TM2D3: variants seen among roughly 807,000 people sequenced by gnomAD.
TM2D3 encodes TM2 domain-containing protein 3.
TM2D3 carries 33 observed loss-of-function variants against 27.3 expected under a neutral mutation model. The ratio of observed to expected loss-of-function variants is 1.21; its 90% confidence interval spans 0.92 to 1.61. The LOEUF (loss-of-function observed/expected upper bound fraction) is 1.61, where lower values mean the gene tolerates loss of function less well. TM2D3 is among the 40% of genes most tolerant of loss of function. The pLI is 0.00. For missense variants in TM2D3, 364 were observed against 320.8 expected (o/e 1.13, Z -1.03); for synonymous variants, 138 against 122.2 (o/e 1.13, Z -0.85).
rs373973464 is a variant in TM2D3 at position 101,652,295 on chromosome 15, G to A, written c.67C>T (p.Gln23Ter). ...ALCRVLLFLS[Q>*]FCILSGGEQS... is the part of the protein sequence containing the mutation. ...CCACCGCCCGACAGAATGCAGAACT[G>A]CGAGAGGAAGAGCAGCACGCGACAC... The change falls in exon 1 of 6, where the codon CAG (glutamine) becomes TAG (stop). Residue 23 changes from glutamine (Q) to a stop codon, truncating the protein, a stop_gained. Transcript: ENST00000333202. LOFTEE classifies it high-confidence loss of function. 7.5e-6 allele frequency: 12 copies of A among 1,604,846 alleles called. No homozygotes were observed. The highest frequency in any genetic ancestry group is 3.4e-5 in the Admixed American group (2 of 59,644).
At chr15:101,643,599 TAAAAAA>T (rs1158728522) in intron 5 of TM2D3, among the ~76,000 whole-genome samples, 5 of 47,330 alleles carry the variant, frequency 1.1e-4, no homozygotes, top group South Asian at 9.3e-4. Flanking sequence ...GAGACTCCGT[TAAAAAA>T]AAAAAAAAAA....
downstream of TM2D3, among the ~76,000 whole-genome samples, chr15:101,641,134 G>A (rs953574716): frequency 3.9e-5 from 6 of 152,278 alleles, no homozygotes; most frequent in African/African-American, 1.4e-4. Flanking sequence ...AGAAAAGATC[G>A]TCTTCTAAAG....
downstream of TM2D3, chr15:101,641,809 T>C (rs1896675538): frequency 5.6e-6 from 4 of 712,776 alleles, no homozygotes; most frequent in South Asian, 1.9e-4. Flanking sequence ...GTAATGATTA[T>C]TCAAGATTAT....
At position 101,646,219 on chromosome 15, in the gene TM2D3, T is replaced by C. The variant is rs112274782; in HGVS notation, c.502+506A>G. On this transcript the variant is annotated intron_variant, in intron 4 of 5. Transcript: ENST00000333202. ...TCCTAGAGCCACAATGTTTAGGAAA[T>C]AAGCAAGTCCCAGAAGAGCACACAG... 2.8e-3 allele frequency: 429 copies of C among 154,792 alleles called. 2 individuals are homozygous for C. Among genetic ancestry groups the C allele is most frequent in the African/African-American group, 9.7e-3 (404 of 41,532 alleles). The allele number at this position is 154,792 out of a possible 1,614,324, so 9.6% of individuals were successfully genotyped here.
intron 5 of TM2D3, among the ~76,000 whole-genome samples, chr15:101,643,435 T>C (rs1449184229): frequency 6.6e-6 from 1 of 151,882 alleles, no homozygotes; most frequent in Non-Finnish European, 1.5e-5. Context: ...ACCCTGTCTC[T>C]ATTAAAAATA....
At chr15:101,652,118 G>A (rs1471941332) in intron 1 of TM2D3, 153 bp downstream of exon 1, 4 of 703,550 alleles carry the variant, frequency 5.7e-6, no homozygotes. Context: ...CGGCCAGGGC[G>A]CCAGACTCCA....
Position 101,646,831 on chromosome 15 carries a change from A to T in TM2D3, c.396T>A (p.Pro132=), listed in dbSNP as rs199699617. The stretch of plus-strand genomic sequence containing the variant: ...AGTTGGTACACTCGTAATCTGTTTC[A>T]GGAAGCTGCCAGCAAAATCTGCAAG... ...NMTCRFCWQL[P]ETDYECTNST... The change falls in exon 4 of 6, where the codon CCT becomes CCA. Residue 132 remains proline (P), a synonymous_variant. Transcript: ENST00000333202. 6.2e-7 allele frequency: 1 copy of T among 1,614,236 alleles called. No individual in the cohort carries two copies. The highest frequency in any genetic ancestry group is 2.2e-5 in the East Asian group (1 of 44,890).
intron 1 of TM2D3, 79 bp from the exon 2 acceptor site, chr15:101,651,852 G>A (rs575990137): frequency 1.4e-6 from 2 of 1,461,076 alleles, no homozygotes; most frequent in South Asian, 1.1e-5. Flanking sequence ...TTAACACGGC[G>A]GGTCTACACC....
rs921962915 is a variant in TM2D3 at position 101,649,986 on chromosome 15, G to A, written c.327+18C>T. The A allele has an allele frequency of 6.2e-7, 1 of 1,605,244 alleles. No homozygotes were observed. The highest frequency in any genetic ancestry group is 1.7e-5 in the Admixed American group (1 of 57,610). On this transcript the variant is annotated intron_variant, in intron 3 of 5. Coordinates refer to ENST00000333202, the MANE Select transcript of TM2D3 (RefSeq NM_078474.3). Reference sequence around the variant, plus strand: ...TTTACAATGAATTTATTTAGAATAAGTAAGCTGCAGTACTTACAACACAGG... The same window carrying A: ...TTTACAATGAATTTATTTAGAATAAATAAGCTGCAGTACTTACAACACAGG...
rs2441222 is a variant in TM2D3, at chr15:101,633,914, A to G, written c.501-186T>C. 1,140 of 453,450 alleles carry G rather than the reference A, an allele frequency of 2.5e-3. 9 individuals are homozygous for G. The highest frequency in any genetic ancestry group is 0.02 in the African/African-American group (1,031 of 51,158). The allele number at this position is 453,450 out of a possible 1,614,324, so 28.1% of individuals were successfully genotyped here. A position where few individuals can be genotyped will look rare whatever the true frequency, so the allele number is the denominator to read the frequency against. On this transcript the variant is annotated intron_variant, in intron 4 of 4. Coordinates refer to the TM2D3 transcript ENST00000428002. ...ACTCAGACATTGGGATTACCTGACA[A>G]GAATTTTAAAGCAACTATCATGAAA...
rs1896689847 is a variant in TM2D3 at position 101,642,370 on chromosome 15, C to T, written c.*109G>A. 2 of 1,388,028 alleles carry T rather than the reference C, an allele frequency of 1.4e-6. No individual in the cohort carries two copies. The highest frequency in any genetic ancestry group is 1.5e-5 in the African/African-American group (1 of 68,160). 86.0% of individuals were successfully genotyped at this position (1,388,028 alleles called of 1,614,324 possible). A position where few individuals can be genotyped will look rare whatever the true frequency, so the allele number is the denominator to read the frequency against. On this transcript the variant is annotated 3_prime_UTR_variant, in exon 6 of 6. Coordinates refer to ENST00000333202, the MANE Select transcript of TM2D3 (RefSeq NM_078474.3). ...TACCTTTATCAAGGCAAACAAAGTA[C>T]AGATGCTGTACATTAAAAACATAGA... is the stretch of plus-strand genomic sequence containing the variant.
intron 3 of TM2D3, among the ~76,000 whole-genome samples, chr15:101,649,026 CAG>C (rs933902261): frequency 7.2e-5 from 11 of 152,112 alleles, no homozygotes; most frequent in African/African-American, 9.6e-5. Flanking sequence ...CTCACAAACT[CAG>C]AGTTAATCAA....
At position 101,649,982 on chromosome 15, in the gene TM2D3, ATAAG is replaced by A; in HGVS notation, c.327+18_327+21del. 1.2e-6 allele frequency: 2 copies of A among 1,602,644 alleles called. No individual in the cohort carries two copies. Among genetic ancestry groups the A allele is most frequent in the Non-Finnish European group, 8.5e-7 (1 of 1,175,282 alleles). ...AAAGTTTACAATGAATTTATTTAGA[ATAAG>A]TAAGCTGCAGTACTTACAACACAGG... is the stretch of plus-strand genomic sequence containing the variant. On this transcript the variant is annotated intron_variant, in intron 3 of 5. Coordinates refer to ENST00000333202, the MANE Select transcript of TM2D3 (RefSeq NM_078474.3).
intron 2 of TM2D3, chr15:101,650,381 A>G: frequency 2.4e-6 from 1 of 418,280 alleles, no homozygotes. Context: ...ACATTACTTC[A>G]TTCCTGCCTC....
intron 4 of TM2D3, chr15:101,636,134 T>C (rs545031961): frequency 6.6e-6 from 1 of 152,326 alleles, no homozygotes; most frequent in South Asian, 2.1e-4. Flanking sequence ...TTCCATTATA[T>C]GAATGAACTA....
At chr15:101,634,615 A>T (rs1273139052) in intron 4 of TM2D3, 1 of 152,230 alleles carries the variant, frequency 6.6e-6, no homozygotes, top group Non-Finnish European at 1.5e-5. Context: ...CTGATAAAAC[A>T]CATGACCTGG....
downstream of TM2D3, among the ~76,000 whole-genome samples, chr15:101,639,253 A>G (rs1297060888): frequency 6.6e-6 from 1 of 152,202 alleles, no homozygotes; most frequent in African/African-American, 2.4e-5. Flanking sequence ...ATGTATATAC[A>G]ATAAAAGTTT....
chr15:101,639,203 G>T (rs1896614281), downstream of TM2D3, among the ~76,000 whole-genome samples: 1 of 152,182 alleles, frequency 6.6e-6, no homozygotes, highest in South Asian at 2.1e-4. Context: ...TTTGCTAAGA[G>T]TAGATTTTAA....
At chr15:101,639,577 TAAAAAA>T (rs1031983117), downstream of TM2D3, among the ~76,000 whole-genome samples, 1 of 150,454 alleles carries the variant, frequency 6.6e-6, no homozygotes, top group African/African-American at 2.4e-5. Context: ...CATAAGGCAT[TAAAAAA>T]AAAGTACAGA....
Sources: allele counts gnomAD v4.1 joint callset (sites outside exome capture counted in the v4.1 genomes callset), GRCh38; gene constraint gnomAD v4.1.1; transcripts MANE v1.5; gene names NCBI Gene and HGNC (gene_info 2026-07-23, HGNC 2026-07-21).